FREM1: variants seen among roughly 807,000 people sequenced by gnomAD.
FREM1 encodes the protein FRAS1-related extracellular matrix protein 1.
FREM1 carries 220 observed loss-of-function variants against 210.1 expected under a neutral mutation model. The observed-to-expected ratio is 1.05, with a 90% confidence interval of 0.94 to 1.17. The LOEUF is 1.17. FREM1 is among the 50% of genes most tolerant of loss of function. The probability of loss-of-function intolerance (pLI) is 0.00; values close to 1 mark genes in which losing one functional copy is unlikely to be tolerated. For synonymous variants in FREM1, 1,189 were observed against 980.2 expected (o/e 1.21, Z -3.98); for missense variants, 3,454 against 2,675.5 (o/e 1.29, Z -6.42).
At chr9:14,831,403 G>C (rs1823531661) in intron 10 of FREM1, among the ~76,000 whole-genome samples, 1 of 152,184 alleles carries the variant, frequency 6.6e-6, no homozygotes, top group Non-Finnish European at 1.5e-5. Context: ...TAGAAATCAG[G>C]CTCTAGGCCT....
At chr9:14,769,953 T>C in intron 26 of FREM1, 85 bp from the exon 27 acceptor site, 1 of 642,620 alleles carries the variant, frequency 1.6e-6, no homozygotes. Flanking sequence ...TATTTTATTT[T>C]AAACACAGCT....
chr9:14,777,694 A>G (rs12685382), intron 24 of FREM1, among the ~76,000 whole-genome samples: 21,378 of 152,204 alleles, frequency 0.14, 1,861 homozygotes, highest in Non-Finnish European at 0.2. Flanking sequence ...TTTATTTTAC[A>G]AATCTGGCAG....
intron 35 of FREM1, 113 bp from the exon 36 acceptor site, chr9:14,740,347 TA>T (rs1342329957): frequency 5.3e-6 from 4 of 756,036 alleles, no homozygotes; most frequent in South Asian, 1.7e-5. Context: ...AGTAGGTCTT[TA>T]AAAAAACTTT....
chr9:14,830,874 T>C (rs923996789), intron 10 of FREM1, among the ~76,000 whole-genome samples: 3 of 152,170 alleles, frequency 2.0e-5, no homozygotes, highest in African/African-American at 7.2e-5. Flanking sequence ...GTGGCGACTG[T>C]GGGAGCAAGC....
chr9:14,875,851 T>C (rs1833611565), intron 1 of FREM1, among the ~76,000 whole-genome samples: 1 of 152,216 alleles, frequency 6.6e-6, no homozygotes, highest in Non-Finnish European at 1.5e-5. Context: ...AGATGGGTTT[T>C]TGGTGTGGAT....
Position 14,810,636 on chromosome 9 carries a change from T to A in FREM1, c.2893+2176A>T, listed in dbSNP as rs968430603. 2.0e-5 allele frequency among the ~76,000 whole-genome samples: 3 copies of A among 152,202 alleles called. No individual in the cohort carries two copies. The East Asian group carries it at 5.8e-4, about 29-fold the overall frequency. Reference sequence around the variant, plus strand: ...AGCAAATTATTAATGGACTTTCATATAGTAAGATGTTATTCTATTACTAAA... The same window carrying A: ...AGCAAATTATTAATGGACTTTCATAAAGTAAGATGTTATTCTATTACTAAA... On this transcript the variant is annotated intron_variant, in intron 16 of 36. Transcript: ENST00000380880.
chr9:14,797,694 G>A, intron 20 of FREM1, 52 bp from the exon 21 acceptor site: 1 of 1,454,620 alleles, frequency 6.9e-7, no homozygotes, highest in Non-Finnish European at 9.5e-7. Context: ...GAACCATCAT[G>A]ACATATGTCA....
chr9:14,775,216 T>C (rs775719762), intron 25 of FREM1, among the ~76,000 whole-genome samples: 8 of 152,160 alleles, frequency 5.3e-5, no homozygotes, highest in Non-Finnish European at 1.0e-4. Flanking sequence ...GGCTAATACA[T>C]TGCAAAGCAG....
intron 29 of FREM1, among the ~76,000 whole-genome samples, chr9:14,754,341 C>T (rs963692982): frequency 5.9e-5 from 9 of 152,098 alleles, no homozygotes; most frequent in Non-Finnish European, 1.0e-4. Context: ...GGAATCTTTC[C>T]CATATATAAC....
intron 5 of FREM1, among the ~76,000 whole-genome samples, chr9:14,853,779 G>T (rs1247934573): frequency 1.3e-5 from 2 of 152,222 alleles, no homozygotes; most frequent in Non-Finnish European, 2.9e-5. Flanking sequence ...AGGGTTTAGA[G>T]TATCTAATCT....
chr9:14,761,483 C>G (rs1165341313), intron 27 of FREM1, among the ~76,000 whole-genome samples: 1 of 152,120 alleles, frequency 6.6e-6, no homozygotes, highest in Non-Finnish European at 1.5e-5. Flanking sequence ...CTTTATGGGT[C>G]TCTGATGCAA....
intron 1 of FREM1, among the ~76,000 whole-genome samples, chr9:14,872,343 T>C (rs952350419): frequency 1.3e-5 from 2 of 152,144 alleles, no homozygotes; most frequent in Non-Finnish European, 2.9e-5. Context: ...TTTTATTTCA[T>C]TGAGCAGTGG....
chr9:14,886,842 A>G (rs546490714), intron 1 of FREM1, among the ~76,000 whole-genome samples: 8 of 145,908 alleles, frequency 5.5e-5, no homozygotes, highest in African/African-American at 1.7e-4. Flanking sequence ...GGTTGCACAG[A>G]GTGACACTGC....
intron 1 of FREM1, among the ~76,000 whole-genome samples, chr9:14,869,578 C>G (rs1213191460): frequency 2.6e-5 from 4 of 152,206 alleles, no homozygotes; most frequent in African/African-American, 9.7e-5. Context: ...AGACAGTTGT[C>G]AAACTCTTTG....
chr9:14,862,671 A>C (rs532185296), intron 3 of FREM1, among the ~76,000 whole-genome samples: 6 of 152,112 alleles, frequency 3.9e-5, no homozygotes. Flanking sequence ...GCAACCACTA[A>C]TCTACTCTCC....
chr9:14,885,146 G>A (rs540926490), intron 1 of FREM1, among the ~76,000 whole-genome samples: 3 of 151,638 alleles, frequency 2.0e-5, no homozygotes, highest in East Asian at 2.0e-4. Context: ...GAATGGTCTC[G>A]ATCTCCTGAG....
Position 14,789,049 on chromosome 9 carries a change from G to A in FREM1, c.4047C>T (p.Asn1349=). The stretch of plus-strand genomic sequence containing the variant: ...CCCCGGTGTGTGTGTATCTCAGCAA[G>A]TTCAGATCCACTTCCTCCTGAGTGC... The part of the protein sequence containing the change: ...MKCTQEEVDL[N]LLRYTHTGAM... Residue 1349 remains asparagine (N), a synonymous_variant, in exon 23 of 37, where the codon AAC becomes AAT. Transcript: ENST00000380880. 2 of 1,609,588 alleles carry A rather than the reference G, an allele frequency of 1.2e-6. No individual in the cohort carries two copies. Among genetic ancestry groups the A allele is most frequent in the Non-Finnish European group, 1.7e-6 (2 of 1,177,970 alleles).
intron 16 of FREM1, among the ~76,000 whole-genome samples, chr9:14,811,087 G>T (rs971952387): frequency 2.6e-5 from 4 of 152,086 alleles, no homozygotes; most frequent in Non-Finnish European, 5.9e-5. Flanking sequence ...CCCAGGGCTG[G>T]GTAACTACCA....
chr9:14,798,788 C>A (rs1200619253), intron 20 of FREM1, among the ~76,000 whole-genome samples: 2 of 152,024 alleles, frequency 1.3e-5, no homozygotes, highest in African/African-American at 4.8e-5. Context: ...ATTCTCATGC[C>A]TCAGCCTCCC....
Sources: allele counts gnomAD v4.1 joint callset (sites outside exome capture counted in the v4.1 genomes callset), GRCh38; gene constraint gnomAD v4.1.1; transcripts MANE v1.5; gene names NCBI Gene and HGNC (gene_info 2026-07-23, HGNC 2026-07-21).